CLEC7A: variants seen among roughly 807,000 people sequenced by gnomAD.
CLEC7A encodes the protein C-type lectin domain containing 7A.
CLEC7A carries 25 observed loss-of-function variants against 26.9 expected under a neutral mutation model. That is an observed-to-expected ratio of 0.93 (90% CI 0.68 to 1.30). CLEC7A has a LOEUF of 1.30. Ranked by LOEUF, CLEC7A falls within the 50% of genes most tolerant of loss-of-function variation. The pLI is 0.00. For missense variants in CLEC7A, 275 were observed against 286.7 expected (o/e 0.96, Z 0.29); for synonymous variants, 100 against 99.5 (o/e 1.01, Z -0.03).
intron 5 of CLEC7A, among the ~76,000 whole-genome samples, chr12:10,122,580 C>T (rs1435837340): frequency 1.3e-5 from 2 of 149,380 alleles, no homozygotes; most frequent in African/African-American, 5.0e-5. Context: ...CTCACTGCAA[C>T]CTCTGTCTCC....
chr12:10,120,525 T>C (rs536460797), intron 5 of CLEC7A, among the ~76,000 whole-genome samples: 1 of 151,438 alleles, frequency 6.6e-6, no homozygotes, highest in East Asian at 1.9e-4. Flanking sequence ...ATCATAAATA[T>C]GTGGGCAAAT....
chr12:10,128,715 G>A (rs1366897248), intron 1 of CLEC7A, among the ~76,000 whole-genome samples: 5 of 152,116 alleles, frequency 3.3e-5, no homozygotes, highest in African/African-American at 4.8e-5. Flanking sequence ...TAGGTGTGTT[G>A]TTGCAGGATA....
intron 4 of CLEC7A, 25 bp from the exon 5 acceptor site, chr12:10,123,388 A>G (rs12313329): frequency 2.4e-6 from 3 of 1,238,436 alleles, no homozygotes; most frequent in South Asian, 2.4e-5. Flanking sequence ...ATACAAATAT[A>G]TAATAAAGAG....
chr12:10,123,549 C>T (rs1011140102), intron 4 of CLEC7A, among the ~76,000 whole-genome samples, 186 bp from the exon 5 acceptor site: 1 of 150,992 alleles, frequency 6.6e-6, no homozygotes, highest in African/African-American at 2.5e-5. Flanking sequence ...ATCATGAGGT[C>T]AGGAGATCGA....
At chr12:10,122,133 A>C (rs1160667775) in intron 5 of CLEC7A, among the ~76,000 whole-genome samples, 1 of 152,256 alleles carries the variant, frequency 6.6e-6, no homozygotes, top group Non-Finnish European at 1.5e-5. Flanking sequence ...TTCTTTGAAA[A>C]ACCAAATTGA....
At chr12:10,125,580 G>A (rs1317063668) in intron 3 of CLEC7A, 132 bp from the exon 4 acceptor site, 13 of 641,370 alleles carry the variant, frequency 2.0e-5, no homozygotes, top group Admixed American at 1.0e-4. Context: ...TTGTCAATTC[G>A]AACTACAGGG....
chr12:10,127,629 A>C, intron 2 of CLEC7A, 118 bp downstream of exon 2: 1 of 948,786 alleles, frequency 1.1e-6, no homozygotes, highest in Non-Finnish European at 1.7e-6. Context: ...ATACAGATAA[A>C]ACCAGATTAT....
intron 4 of CLEC7A, among the ~76,000 whole-genome samples, chr12:10,124,360 A>G (rs1272906996): frequency 3.3e-5 from 5 of 152,210 alleles, no homozygotes; most frequent in African/African-American, 1.2e-4. Flanking sequence ...TATAACATAG[A>G]ATTTTTCCTA....
At position 10,130,007 on chromosome 12, in the gene CLEC7A, T is replaced by A; in HGVS notation, c.76A>T (p.Thr26Ser). 6.2e-7 allele frequency: 1 copy of A among 1,607,656 alleles called. No individual in the cohort carries two copies. The highest frequency in any genetic ancestry group is 8.5e-7 in the Non-Finnish European group (1 of 1,174,158). Residue 26 changes from threonine to serine, a missense_variant, in exon 1 of 6, where the codon ACC (threonine) becomes TCC (serine). Physicochemically the swap from Thr to Ser is moderately conservative, Grantham distance 58. Transcript: ENST00000304084. ...TQLHFDSQSN[T>S]RIAVVSEKGS... ...TTCTCTGAAACAACAGCTATCCTGG[T>A]ATTGCTTTGAGAGTCGAAGTGTAAT...
At chr12:10,127,548 G>T in intron 2 of CLEC7A, 199 bp downstream of exon 2, 1 of 1,204,688 alleles carries the variant, frequency 8.3e-7, no homozygotes, top group Non-Finnish European at 1.2e-6. Flanking sequence ...TTATAACCCT[G>T]GAAAGGTAAA....
Position 10,125,431 on chromosome 12 carries a change from A to C in CLEC7A, c.358T>G (p.Cys120Gly), listed in dbSNP as rs1013923644. The C allele has an allele frequency of 4.3e-6, 7 of 1,611,904 alleles. No homozygotes were observed. Among genetic ancestry groups the C allele is most frequent in the Non-Finnish European group, 5.9e-6 (7 of 1,179,544 alleles). The change falls in exon 4 of 6, where the codon TGT becomes GGT. Residue 120 changes from cysteine (C) to glycine (G), a missense_variant. Coordinates refer to ENST00000304084, the MANE Select transcript of CLEC7A (RefSeq NM_197947.3). ...TCATATATAATCCAATTAGGAGGACAAGGGCTGGAAAGAACCCCTGGAAAT... is the reference window on the plus strand; with the variant it reads ...TCATATATAATCCAATTAGGAGGACCAGGGCTGGAAAGAACCCCTGGAAAT... ...VKTTGVLSSP[C>G]PPNWIIYEKS... is the part of the protein sequence containing the mutation.
Position 10,122,061 on chromosome 12 carries a change from T to G in CLEC7A, c.611+1184A>C, listed in dbSNP as rs140278754. On this transcript the variant is annotated intron_variant, in intron 5 of 5. Transcript: ENST00000304084. The stretch of plus-strand genomic sequence containing the variant: ...ATTAGATGGAAGGAAGTAATACAGA[T>G]TAGAATAAAAGTTAATGAAAGAAAT... Among the ~76,000 whole-genome samples the G allele has an allele frequency of 4.6e-3, 694 of 151,986 alleles. 5 individuals carry two copies. The highest frequency in any genetic ancestry group is 0.015 in the African/African-American group (638 of 41,444).
At chr12:10,128,141 G>T (rs1234402746) in intron 1 of CLEC7A, among the ~76,000 whole-genome samples, 1 of 151,766 alleles carries the variant, frequency 6.6e-6, no homozygotes, top group African/African-American at 2.4e-5. Context: ...TGGAGGCTGT[G>T]GCAGGAGGAT....
intron 4 of CLEC7A, chr12:10,125,053 T>C: frequency 2.0e-6 from 1 of 505,464 alleles, no homozygotes; most frequent in East Asian, 3.7e-5. Context: ...AAAAAAACAT[T>C]AGACGAGTGT....
At chr12:10,128,933 A>G (rs1948399803) in intron 1 of CLEC7A, among the ~76,000 whole-genome samples, 2 of 152,238 alleles carry the variant, frequency 1.3e-5, no homozygotes, top group Admixed American at 1.3e-4. Flanking sequence ...TCTCAAAGAT[A>G]ATAGGGAACT....
intron 1 of CLEC7A, among the ~76,000 whole-genome samples, chr12:10,129,404 A>G (rs141179241): frequency 4.8e-4 from 73 of 152,302 alleles, no homozygotes; most frequent in Non-Finnish European, 8.2e-4. Flanking sequence ...TGAAATGTCT[A>G]TATCTATAGA....
chr12:10,121,391 C>T (rs190235865), intron 5 of CLEC7A, among the ~76,000 whole-genome samples: 1 of 152,118 alleles, frequency 6.6e-6, no homozygotes, highest in East Asian at 1.9e-4. Flanking sequence ...TTCAACACAT[C>T]GAATAAAATG....
intron 3 of CLEC7A, 73 bp from the exon 4 acceptor site, chr12:10,125,521 C>A: frequency 8.0e-7 from 1 of 1,244,966 alleles, no homozygotes; most frequent in Non-Finnish European, 1.1e-6. Flanking sequence ...CACCATTCAT[C>A]TTAAGGACAC....
At chr12:10,126,533 T>G (rs1948289446) in intron 3 of CLEC7A, 38 bp downstream of exon 3, 5 of 1,577,862 alleles carry the variant, frequency 3.2e-6, no homozygotes, top group Non-Finnish European at 4.3e-6. Context: ...GAATTAACCC[T>G]CTTGAGTCAA....
Sources: gnomAD v4.1 joint callset for allele counts (sites outside exome capture counted in the v4.1 genomes callset) on GRCh38, gnomAD v4.1.1 for gene constraint, MANE v1.5 for transcripts, NCBI Gene and HGNC (gene_info 2026-07-23, HGNC 2026-07-21) for gene names.